The following SPAG9 variants were observed in gnomAD, a reference collection of about 807,000 sequenced individuals.
SPAG9 encodes sperm associated antigen 9, also known as C-Jun-amino-terminal kinase-interacting protein 4.
A neutral mutation model predicts 166.5 loss-of-function variants in SPAG9; 35 were observed. The ratio of observed to expected loss-of-function variants is 0.21; its 90% CI spans 0.16 to 0.28. The LOEUF is 0.28. Among genes scored for constraint, SPAG9 ranks in the 10% least tolerant of loss-of-function variants. The pLI, the probability that SPAG9 is intolerant of heterozygous loss-of-function variation, is 1.00. For missense variants in SPAG9, 1,235 were observed against 1,603.3 expected (o/e 0.77, Z 3.92); for synonymous variants, 534 against 565.5 (o/e 0.94, Z 0.79).
chr17:51,047,625 A>C (rs114420965), intron 3 of SPAG9, among the ~76,000 whole-genome samples, 156 bp from the exon 4 acceptor site: 460 of 152,018 alleles, frequency 3.0e-3, no homozygotes, highest in African/African-American at 0.011. Flanking sequence ...AAAAATTTTA[A>C]GGGAAAGTAA....
rs767869620 is a variant in SPAG9, at chr17:51,079,716, G to T, written c.304-12C>A. The T allele has an allele frequency of 1.3e-6, 2 of 1,487,822 alleles. No individual in the cohort carries two copies. The highest frequency in any genetic ancestry group is 1.9e-6 in the Non-Finnish European group (2 of 1,080,446). The allele number at this position is 1,487,822 out of a possible 1,614,324, so 92.2% of individuals were successfully genotyped here. On this transcript the variant is annotated splice_polypyrimidine_tract_variant and intron_variant, in intron 1 of 29. Transcript: ENST00000262013. ...AATTCAATGAATTTCTAATAAAGAAGAACAATATAAATTTAATCAGAGAAA... is the reference window on the plus strand; with the variant it reads ...AATTCAATGAATTTCTAATAAAGAATAACAATATAAATTTAATCAGAGAAA...
At chr17:51,060,855 T>G (rs957272071) in intron 2 of SPAG9, among the ~76,000 whole-genome samples, 10 of 151,006 alleles carry the variant, frequency 6.6e-5, no homozygotes, top group East Asian at 1.9e-4. Flanking sequence ...TTGTTTTTTT[T>G]TTTTTTCCTT....
chr17:51,029,639 T>C (rs761663605), intron 6 of SPAG9, among the ~76,000 whole-genome samples: 2 of 152,248 alleles, frequency 1.3e-5, no homozygotes, highest in Non-Finnish European at 2.9e-5. Flanking sequence ...GAGGACATTA[T>C]GCTAAATGAA....
intron 6 of SPAG9, among the ~76,000 whole-genome samples, chr17:51,027,911 G>C (rs973523835): frequency 4.6e-5 from 7 of 152,120 alleles, no homozygotes; most frequent in Admixed American, 4.6e-4. Context: ...GTCATCATAG[G>C]AGGTGATAGC....
At chr17:51,046,589 G>A in intron 4 of SPAG9, 2 of 1,536,058 alleles carry the variant, frequency 1.3e-6, no homozygotes, top group Non-Finnish European at 1.7e-6. Context: ...GAGATACTAA[G>A]ATAGCAGAAT....
chr17:51,111,214 C>T (rs1421556361), intron 1 of SPAG9, among the ~76,000 whole-genome samples: 1 of 152,152 alleles, frequency 6.6e-6, no homozygotes, highest in Admixed American at 6.6e-5. Flanking sequence ...TATATATACC[C>T]ATTTCCAAAT....
chr17:50,995,575 A>G (rs778715818), intron 16 of SPAG9, 42 bp from the exon 17 acceptor site: 1 of 1,203,660 alleles, frequency 8.3e-7, no homozygotes, highest in Non-Finnish European at 1.2e-6. Flanking sequence ...CACATTAGTA[A>G]GCCTCATCAA....
intron 3 of SPAG9, among the ~76,000 whole-genome samples, chr17:51,051,045 A>T (rs568578944): frequency 6.7e-6 from 1 of 149,010 alleles, no homozygotes; most frequent in African/African-American, 2.6e-5. Context: ...AAAAAAAAAC[A>T]AAAAGAAAAA....
chr17:51,107,672 G>C (rs1281041518), intron 1 of SPAG9, among the ~76,000 whole-genome samples: 1 of 151,838 alleles, frequency 6.6e-6, no homozygotes, highest in East Asian at 1.9e-4. Context: ...GGGAGGTGGA[G>C]GTTGCAGTGA....
At chr17:51,023,914 C>T (rs1372662378) in intron 6 of SPAG9, among the ~76,000 whole-genome samples, 1 of 152,228 alleles carries the variant, frequency 6.6e-6, no homozygotes, top group East Asian at 1.9e-4. Flanking sequence ...GATCTGCTGG[C>T]CTCAGCCTCC....
intron 2 of SPAG9, among the ~76,000 whole-genome samples, chr17:51,057,276 G>C (rs894473647): frequency 6.6e-6 from 1 of 152,162 alleles, no homozygotes; most frequent in Non-Finnish European, 1.5e-5. Context: ...CAGACTGGAG[G>C]AGCCCATACT....
chr17:51,071,014 AAATAT>A (rs1287349991), intron 2 of SPAG9, among the ~76,000 whole-genome samples: 1 of 152,166 alleles, frequency 6.6e-6, no homozygotes, highest in African/African-American at 2.4e-5. Flanking sequence ...AATGATATAA[AAATAT>A]AATATATATG....
chr17:51,051,331 A>G (rs1262961140), intron 3 of SPAG9, among the ~76,000 whole-genome samples: 1 of 151,660 alleles, frequency 6.6e-6, no homozygotes, highest in Non-Finnish European at 1.5e-5. Flanking sequence ...CTGGTCTTAA[A>G]CTCCTGACCT....
chr17:51,030,024 C>T (rs1463673887), intron 6 of SPAG9, among the ~76,000 whole-genome samples: 4 of 152,136 alleles, frequency 2.6e-5, no homozygotes, highest in Admixed American at 2.6e-4. Flanking sequence ...TTCAGTTTCA[C>T]TTGAGATACT....
chr17:51,097,001 G>C (rs1211799940), intron 1 of SPAG9, among the ~76,000 whole-genome samples: 1 of 152,244 alleles, frequency 6.6e-6, no homozygotes, highest in Non-Finnish European at 1.5e-5. Context: ...TAGAGGGTTA[G>C]GACTTTCAGC....
rs1468003455 is a variant in SPAG9 at position 50,987,094 on chromosome 17, A to G, written c.2939+18T>C. ...AAGTAAAACAACATATTCTAATGTT[A>G]AAAGCATTGACACCTACCAGCCATT... is the stretch of plus-strand genomic sequence containing the variant. On this transcript the variant is annotated intron_variant, in intron 22 of 29. Coordinates refer to ENST00000262013, the MANE Select transcript of SPAG9 (RefSeq NM_001130528.3). 6.3e-7 allele frequency: 1 copy of G among 1,594,138 alleles called. No homozygotes were observed. Among genetic ancestry groups the G allele is most frequent in the Middle Eastern group, 1.7e-4 (1 of 5,974 alleles).
chr17:51,109,412 T>C (rs920901867), intron 1 of SPAG9, among the ~76,000 whole-genome samples: 4 of 151,722 alleles, frequency 2.6e-5, no homozygotes, highest in Non-Finnish European at 5.9e-5. Context: ...AATTTTTGTA[T>C]TTTTAGTAGA....
intron 1 of SPAG9, among the ~76,000 whole-genome samples, chr17:51,096,038 G>GATATATAT (rs377753534): frequency 1.1e-5 from 1 of 92,632 alleles, no homozygotes; most frequent in African/African-American, 5.8e-5. Flanking sequence ...TATATATAGT[G>GATATATAT]ATATATATAT....
chr17:51,044,858 T>G (rs2046963876), intron 4 of SPAG9, among the ~76,000 whole-genome samples: 1 of 152,186 alleles, frequency 6.6e-6, no homozygotes, highest in Non-Finnish European at 1.5e-5. Context: ...TCAAAGACTT[T>G]GATATCTTTA....
Sources: allele counts gnomAD v4.1 joint callset (sites outside exome capture counted in the v4.1 genomes callset), GRCh38; gene constraint gnomAD v4.1.1; transcripts MANE v1.5; gene names NCBI Gene and HGNC (gene_info 2026-07-23, HGNC 2026-07-21).